The following CLUAP1 variants were observed in gnomAD, a reference collection of about 807,000 sequenced individuals.
CLUAP1 encodes clusterin-associated protein 1.
In CLUAP1, 50 loss-of-function variants were observed where a neutral mutation model predicts 55.0. That is an observed-to-expected ratio of 0.91 (90% CI 0.72 to 1.15). CLUAP1 has a LOEUF of 1.15. CLUAP1 is among the 50% of genes most tolerant of loss of function. The pLI is 0.00. For synonymous variants in CLUAP1, 195 were observed against 175.4 expected (o/e 1.11, Z -0.88); for missense variants, 530 against 507.6 (o/e 1.04, Z -0.42).
At chr16:3,521,806 G>C (rs2037841435) in intron 7 of CLUAP1, among the ~76,000 whole-genome samples, 1 of 151,270 alleles carries the variant, frequency 6.6e-6, no homozygotes, top group South Asian at 2.1e-4. Flanking sequence ...TATAATCCCA[G>C]CACTTTGAGA....
Position 3,533,179 on chromosome 16 carries a change from G to A in CLUAP1, c.1092+338G>A, listed in dbSNP as rs746548627. On this transcript the variant is annotated intron_variant, in intron 11 of 11. Transcript: ENST00000576634. Reference sequence around the variant, plus strand: ...AGGTTGGTTTTCTGTTCTGCCTCATGTGTTTGTGGGTGTCTGTCAGCCCTC... The same window carrying A: ...AGGTTGGTTTTCTGTTCTGCCTCATATGTTTGTGGGTGTCTGTCAGCCCTC... The A allele has an allele frequency of 3.3e-6, 5 of 1,530,264 alleles. No homozygotes were observed. The South Asian group carries it at 6.0e-5, about 18-fold the overall frequency. 94.8% of individuals were successfully genotyped at this position (1,530,264 alleles called of 1,614,324 possible). A position where few individuals can be genotyped will look rare whatever the true frequency, so the allele number is the denominator to read the frequency against.
chr16:3,529,786 AATAT>A (rs1456699336), intron 9 of CLUAP1, among the ~76,000 whole-genome samples: 1 of 44,914 alleles, frequency 2.2e-5, no homozygotes, highest in South Asian at 5.4e-4. Context: ...TATATTATAT[AATAT>A]ATATTATATT....
At chr16:3,531,521 C>CAA (rs555725934) in intron 10 of CLUAP1, among the ~76,000 whole-genome samples, 7 of 120,304 alleles carry the variant, frequency 5.8e-5, no homozygotes, top group Non-Finnish European at 8.8e-5. Context: ...GACTCCGTCT[C>CAA]AAAAAAAAAA....
At position 3,501,067 on chromosome 16, in the gene CLUAP1, T is replaced by C. The variant is rs78552393; in HGVS notation, c.-1T>C. The C allele has an allele frequency of 0.022, 34,581 of 1,599,784 alleles. 760 individuals carry two copies. Among genetic ancestry groups the C allele is most frequent in the African/African-American group, 0.11 (7,878 of 74,842 alleles). On this transcript the variant is annotated 5_prime_UTR_variant, in exon 1 of 12. Coordinates refer to ENST00000576634, the MANE Select transcript of CLUAP1 (RefSeq NM_015041.3). ...CCTGGGCTCCTGGGGACCTGAGCGT[T>C]ATGTCTTTCCGCGACCTCCGCAGTA...
intron 5 of CLUAP1, 57 bp from the exon 6 acceptor site, chr16:3,515,451 C>A: frequency 8.0e-7 from 1 of 1,251,640 alleles, no homozygotes; most frequent in Non-Finnish European, 1.1e-6. Context: ...TCTAGGAATA[C>A]TGGTTTTGAG....
rs2038249712 is a variant in CLUAP1 at position 3,537,192 on chromosome 16, A to G, written c.*921A>G. 6.6e-6 allele frequency: 1 copy of G among 152,188 alleles called. No individual in the cohort carries two copies. The highest frequency in any genetic ancestry group is 6.5e-5 in the Admixed American group (1 of 15,274). 9.4% of individuals were successfully genotyped at this position (152,188 alleles called of 1,614,324 possible). A position where few individuals can be genotyped will look rare whatever the true frequency, so the allele number is the denominator to read the frequency against. On this transcript the variant is annotated 3_prime_UTR_variant, in exon 12 of 12. Coordinates refer to ENST00000576634, the MANE Select transcript of CLUAP1 (RefSeq NM_015041.3). ...CAGGTTTCCTGCAGCTCGCTACCTAAGTGTTTCTGTAGGGGAAGGAGCCAA... is the reference window on the plus strand; with the variant it reads ...CAGGTTTCCTGCAGCTCGCTACCTAGGTGTTTCTGTAGGGGAAGGAGCCAA...
chr16:3,513,041 C>T (rs760031648), intron 5 of CLUAP1, among the ~76,000 whole-genome samples: 1 of 152,180 alleles, frequency 6.6e-6, no homozygotes, highest in Non-Finnish European at 1.5e-5. Flanking sequence ...CTGAGCTGTC[C>T]TTGTTGTGCC....
intron 1 of CLUAP1, among the ~76,000 whole-genome samples, chr16:3,501,789 C>CA (rs113665759): frequency 0.01 from 1,505 of 145,690 alleles, 11 homozygotes; most frequent in Middle Eastern, 0.028. Context: ...AAAAACAAAC[C>CA]AAAAAAAAAA....
Position 3,537,222 on chromosome 16 carries a change from G to C in CLUAP1, c.*951G>C, listed in dbSNP as rs2038250378. The stretch of plus-strand genomic sequence containing the variant: ...TTCTGTAGGGGAAGGAGCCAATTAA[G>C]AAAAAGTGTTGGTACAGATTCATGT... On this transcript the variant is annotated 3_prime_UTR_variant, in exon 12 of 12. Transcript: ENST00000576634. 6.6e-6 allele frequency: 1 copy of C among 152,072 alleles called. No individual in the cohort carries two copies. The highest frequency in any genetic ancestry group is 2.4e-5 in the African/African-American group (1 of 41,406). The allele number at this position is 152,072 out of a possible 1,614,324, so 9.4% of individuals were successfully genotyped here.
At chr16:3,521,230 T>C (rs73503355) in intron 7 of CLUAP1, among the ~76,000 whole-genome samples, 4,977 of 152,222 alleles carry the variant, frequency 0.033, 255 homozygotes, top group African/African-American at 0.11. Context: ...CACATTCCAC[T>C]TTTAAAGCAT....
chr16:3,522,225 G>A (rs948854515), intron 7 of CLUAP1, among the ~76,000 whole-genome samples: 3 of 151,772 alleles, frequency 2.0e-5, no homozygotes, highest in East Asian at 1.9e-4. Context: ...GTGCAGTGGC[G>A]CAATCTCGGC....
At chr16:3,503,857 C>T (rs750178120) in intron 1 of CLUAP1, among the ~76,000 whole-genome samples, 1 of 152,166 alleles carries the variant, frequency 6.6e-6, no homozygotes, top group East Asian at 1.9e-4. Context: ...GTTTCATTGT[C>T]TTGCGAAGTC....
upstream of CLUAP1, among the ~76,000 whole-genome samples, chr16:3,498,883 CA>C (rs1460380814): frequency 5.5e-5 from 8 of 145,284 alleles, no homozygotes; most frequent in African/African-American, 1.2e-4. Context: ...AACAAACAAA[CA>C]AACAACAACA....
At chr16:3,516,670 A>G (rs1023028387) in intron 6 of CLUAP1, among the ~76,000 whole-genome samples, 4 of 152,230 alleles carry the variant, frequency 2.6e-5, no homozygotes, top group Non-Finnish European at 4.4e-5. Flanking sequence ...ATATACATGT[A>G]TGCACATTTA....
chr16:3,514,773 A>G (rs1006914977), intron 5 of CLUAP1, among the ~76,000 whole-genome samples: 22 of 152,136 alleles, frequency 1.4e-4, no homozygotes, highest in Non-Finnish European at 7.3e-5. Context: ...GGAGCTAATC[A>G]CCTCCTAACA....
chr16:3,526,518 C>G (rs773847479), intron 9 of CLUAP1, 34 bp downstream of exon 9: 1 of 1,467,930 alleles, frequency 6.8e-7, no homozygotes, highest in Non-Finnish European at 9.3e-7. Flanking sequence ...GCAGTTTACT[C>G]TGGACTAGTA....
At chr16:3,497,980 T>A (rs2037331265), upstream of CLUAP1, among the ~76,000 whole-genome samples, 1 of 152,080 alleles carries the variant, frequency 6.6e-6, no homozygotes, top group African/African-American at 2.4e-5. Context: ...TTAGGGATAT[T>A]GGCTTATGTG....
In CLUAP1 at chr16:3,508,312, C is replaced by T; in HGVS notation, c.243C>T (p.Leu81=). Residue 81 remains leucine, a synonymous_variant, in exon 4 of 12, where the codon CTC becomes CTT. Transcript: ENST00000576634. Reference sequence around the variant, plus strand: ...AGGCCACCAAGGCACATATAAAACTCAACACTAAGAAGCTTTATCAAGCAG... The same window carrying T: ...AGGCCACCAAGGCACATATAAAACTTAACACTAAGAAGCTTTATCAAGCAG... The part of the protein sequence containing the change: ...QFMATKAHIK[L]NTKKLYQADG... The T allele has an allele frequency of 6.2e-7, 1 of 1,600,302 alleles. No homozygotes were observed. Among genetic ancestry groups the T allele is most frequent in the South Asian group, 1.1e-5 (1 of 87,512 alleles).
intron 7 of CLUAP1, among the ~76,000 whole-genome samples, chr16:3,520,591 CCTTTAAG>C (rs1289028489): frequency 6.6e-6 from 1 of 152,076 alleles, no homozygotes; most frequent in African/African-American, 2.4e-5. Flanking sequence ...CTTGAACTGC[CCTTTAAG>C]CTTTTATAGC....
Sources: gnomAD v4.1 joint callset for allele counts (sites outside exome capture counted in the v4.1 genomes callset) on GRCh38, gnomAD v4.1.1 for gene constraint, MANE v1.5 for transcripts, NCBI Gene and HGNC (gene_info 2026-07-23, HGNC 2026-07-21) for gene names.